The following DNAH5 variants were observed in gnomAD, a reference collection of about 807,000 sequenced individuals.
DNAH5 encodes axonemal beta dynein heavy chain 5.
In DNAH5, 372 loss-of-function variants were observed where a neutral mutation model predicts 518.2. The ratio of observed to expected loss-of-function variants is 0.72; its 90% CI spans 0.66 to 0.78. DNAH5 has a LOEUF of 0.78. Ranked by LOEUF, DNAH5 falls within the 30% of genes least tolerant of loss-of-function variation. The probability of loss-of-function intolerance (pLI) is 0.00; values close to 1 mark genes in which losing one functional copy is unlikely to be tolerated. For missense variants in DNAH5, 5,523 were observed against 5,687.0 expected, an observed-to-expected ratio of 0.97 and a Z score of 0.93; for synonymous variants, 2,039 against 2,025.9, an observed-to-expected ratio of 1.01 and a Z score of -0.17.
At chr5:13,933,799 A>C (rs1374590835) in intron 1 of DNAH5, among the ~76,000 whole-genome samples, 1 of 151,818 alleles carries the variant, frequency 6.6e-6, no homozygotes, top group East Asian at 1.9e-4. Flanking sequence ...CAAAAAAAAA[A>C]AAAAAAAAAA....
In DNAH5 at chr5:13,914,627, T is replaced by G; in HGVS notation, c.1213A>C (p.Ile405Leu). ...GTAATATAGGCTTTACATGCAGATATAATCTGATTTGTCACCTGGGATTTT... is the reference window on the plus strand; with the variant it reads ...GTAATATAGGCTTTACATGCAGATAGAATCTGATTTGTCACCTGGGATTTT... ...SLFVKVTNQI[I>L]SACKAYITNN... is the part of the protein sequence containing the mutation. The change falls in exon 10 of 79, where the codon ATA becomes CTA. Residue 405 changes from isoleucine (I) to leucine (L), a missense_variant. Physicochemically the swap from Ile to Leu is conservative, Grantham distance 5 (BLOSUM62 2). Coordinates refer to ENST00000265104, the MANE Select transcript of DNAH5 (RefSeq NM_001369.3). The G allele has an allele frequency of 6.2e-7, 1 of 1,613,050 alleles. No individual in the cohort carries two copies. Among genetic ancestry groups the G allele is most frequent in the South Asian group, 1.1e-5 (1 of 91,048 alleles).
intron 42 of DNAH5, among the ~76,000 whole-genome samples, chr5:13,815,616 C>G (rs1761353880): frequency 6.6e-6 from 1 of 152,082 alleles, no homozygotes; most frequent in Non-Finnish European, 1.5e-5. Context: ...TATAAGCCAC[C>G]CAGTCTCTAG....
intron 47 of DNAH5, among the ~76,000 whole-genome samples, chr5:13,794,317 T>C (rs755058966): frequency 6.6e-6 from 1 of 152,278 alleles, no homozygotes; most frequent in Non-Finnish European, 1.5e-5. Context: ...GAGACTCGTC[T>C]GTCCATTTCT....
intron 36 of DNAH5, 79 bp from the exon 37 acceptor site, chr5:13,830,292 T>G: frequency 7.7e-7 from 1 of 1,300,918 alleles, no homozygotes; most frequent in Non-Finnish European, 1.1e-6. Flanking sequence ...ATGTAGCTGC[T>G]AAAATGAGCC....
chr5:13,855,651 A>G (rs541797863), intron 30 of DNAH5, among the ~76,000 whole-genome samples: 2 of 152,304 alleles, frequency 1.3e-5, no homozygotes, highest in South Asian at 4.1e-4. Context: ...CGGACCTAAC[A>G]GACATCTACA....
At chr5:13,746,605 C>A (rs1006628122) in intron 65 of DNAH5, among the ~76,000 whole-genome samples, 1 of 152,016 alleles carries the variant, frequency 6.6e-6, no homozygotes, top group Non-Finnish European at 1.5e-5. Context: ...GACTCTTAAA[C>A]CCTCTTATTT....
chr5:13,963,206 C>T (rs115604561), intron 1 of DNAH5, among the ~76,000 whole-genome samples: 1,575 of 152,232 alleles, frequency 0.01, 13 homozygotes, highest in South Asian at 0.025. Context: ...ACATACAACT[C>T]TCTAAAAACA....
rs780603947 is a variant in DNAH5 at position 13,829,607 on chromosome 5, C to T, written c.6347G>A (p.Arg2116Lys). The T allele has an allele frequency of 4.3e-6, 7 of 1,614,084 alleles. No homozygotes were observed. The African/African-American group carries it at 8.0e-5, about 18-fold the overall frequency. ...GAAGCCACAACTAGCCAACTTCACC[C>T]TTATGATAATCTGACGGTCAGGCAC... Reference protein sequence around the residue: ...MMVPDRQIIIRVKLASCGFID... With the variant: ...MMVPDRQIIIKVKLASCGFID... The change falls in exon 38 of 79, where the codon AGG becomes AAG. Residue 2116 changes from arginine to lysine, a missense_variant. Coordinates refer to ENST00000265104, the MANE Select transcript of DNAH5 (RefSeq NM_001369.3).
chr5:13,751,258 C>T lies in DNAH5; in HGVS notation c.11031G>A (p.Val3677=), dbSNP rs1300306339. Residue 3677 remains valine, a splice_region_variant and synonymous_variant, in exon 65 of 79, where the codon GTG becomes GTA. Transcript: ENST00000265104. Reference sequence around the variant, plus strand: ...CATCTACTTCCTTGTCACCAACTTTCACCTTTTTTATAAAAAGAAATTTAA... The same window carrying T: ...CATCTACTTCCTTGTCACCAACTTTTACCTTTTTTATAAAAAGAAATTTAA... ...NFIKTGSTFK[V]KVGDKEVDVL... is the part of the protein sequence containing the mutation. 1 of 1,612,672 alleles carries T rather than the reference C, an allele frequency of 6.2e-7. No individual in the cohort carries two copies. Among genetic ancestry groups the T allele is most frequent in the South Asian group, 1.1e-5 (1 of 90,884 alleles).
At chr5:13,903,864 C>T (rs1163930682) in intron 12 of DNAH5, among the ~76,000 whole-genome samples, 2 of 152,034 alleles carry the variant, frequency 1.3e-5, no homozygotes, top group Non-Finnish European at 2.9e-5. Flanking sequence ...AAAGGATATA[C>T]TTCTTTAAGA....
At chr5:13,900,672 A>C in intron 14 of DNAH5, 1 of 505,012 alleles carries the variant, frequency 2.0e-6, no homozygotes, top group East Asian at 3.6e-5. Flanking sequence ...TGGACACTGC[A>C]ACAGTGGTGG....
intron 52 of DNAH5, among the ~76,000 whole-genome samples, chr5:13,782,535 G>A (rs1755334813): frequency 6.6e-6 from 1 of 152,114 alleles, no homozygotes; most frequent in Non-Finnish European, 1.5e-5. Context: ...ATCTTCCCCT[G>A]ACACAGCTTC....
At chr5:13,778,596 A>AAGAAAGAAAGACAGAG (rs768853052) in intron 53 of DNAH5, among the ~76,000 whole-genome samples, 1 of 102,152 alleles carries the variant, frequency 9.8e-6, no homozygotes, top group Non-Finnish European at 2.0e-5. Context: ...GAAAGAAAGA[A>AAGAAAGAAAGACAGAG]AGAGAGAGAG....
intron 64 of DNAH5, among the ~76,000 whole-genome samples, chr5:13,751,606 A>T (rs374844635): frequency 6.6e-6 from 1 of 152,206 alleles, no homozygotes; most frequent in South Asian, 2.1e-4. Context: ...ACATGCACCG[A>T]AAGAGTATAA....
intron 31 of DNAH5, among the ~76,000 whole-genome samples, chr5:13,846,664 A>T (rs1393855916): frequency 1.3e-5 from 2 of 152,188 alleles, no homozygotes; most frequent in Non-Finnish European, 2.9e-5. Context: ...AATTTGGGAA[A>T]GAAATGGACA....
At chr5:13,861,973 AAAAC>A (rs1352087486) in intron 29 of DNAH5, among the ~76,000 whole-genome samples, 20 of 144,898 alleles carry the variant, frequency 1.4e-4, no homozygotes, top group African/African-American at 4.8e-4. Context: ...AAAAAAAAAA[AAAAC>A]AAGTTCAAAT....
chr5:13,790,444 G>A (rs1756784665), intron 50 of DNAH5, among the ~76,000 whole-genome samples: 1 of 152,108 alleles, frequency 6.6e-6, no homozygotes, highest in Admixed American at 6.6e-5. Context: ...AACTAATGCA[G>A]GAATAGAAAA....
chr5:13,778,596 A>AAGAAGG (rs768853052), intron 53 of DNAH5, among the ~76,000 whole-genome samples: 1 of 102,152 alleles, frequency 9.8e-6, no homozygotes, highest in Non-Finnish European at 2.0e-5. Context: ...GAAAGAAAGA[A>AAGAAGG]AGAGAGAGAG....
intron 47 of DNAH5, among the ~76,000 whole-genome samples, chr5:13,798,087 G>A (rs973035388): frequency 1.3e-5 from 2 of 152,052 alleles, no homozygotes; most frequent in African/African-American, 4.8e-5. Flanking sequence ...ATAGCATTAG[G>A]AGAAATACCT....
Sources: allele counts gnomAD v4.1 joint callset (sites outside exome capture counted in the v4.1 genomes callset), GRCh38; gene constraint gnomAD v4.1.1; transcripts MANE v1.5; gene names NCBI Gene and HGNC (gene_info 2026-07-23, HGNC 2026-07-21).